CEP104: variants seen among roughly 807,000 people sequenced by gnomAD.
CEP104 encodes the protein centrosomal protein of 104 kDa.
In CEP104, 84 loss-of-function variants were observed where a neutral mutation model predicts 113.3. The observed-to-expected ratio is 0.74, with a 90% CI of 0.62 to 0.89. The LOEUF (loss-of-function observed/expected upper bound fraction) is 0.89, where lower values mean the gene tolerates loss of function less well. CEP104 is among the 40% of genes least tolerant of loss of function. The pLI, the probability that CEP104 is intolerant of heterozygous loss-of-function variation, is 0.00. For missense variants in CEP104, 1,053 were observed against 1,156.6 expected, an observed-to-expected ratio of 0.91 and a Z score of 1.30; for synonymous variants, 378 against 421.7, an observed-to-expected ratio of 0.90 and a Z score of 1.27.
chr1:3,820,705 C>A (rs1643955964), intron 20 of CEP104, among the ~76,000 whole-genome samples: 1 of 152,206 alleles, frequency 6.6e-6, no homozygotes, highest in Admixed American at 6.5e-5. Flanking sequence ...CCAAGTCCCT[C>A]CAACACAGGG....
chr1:3,823,087 C>A lies in CEP104; in HGVS notation c.2571+87G>T. On this transcript the variant is annotated intron_variant, in intron 20 of 21. Transcript: ENST00000378230. This position sits in a 1 kb window ranked among gnomAD's most constrained non-coding sequence, Gnocchi z 4.1. ...ATGTACTGTACTCTGTGGCTATGGT[C>A]CCGCACTGACACCACCACTGTCACC... is the stretch of plus-strand genomic sequence containing the variant. 1 of 1,235,952 alleles carries A rather than the reference C, an allele frequency of 8.1e-7. No homozygotes were observed. The highest frequency in any genetic ancestry group is 1.2e-6 in the Non-Finnish European group (1 of 842,298). 76.6% of individuals were successfully genotyped at this position (1,235,952 alleles called of 1,614,324 possible). A position where few individuals can be genotyped will look rare whatever the true frequency, so the allele number is the denominator to read the frequency against.
At chr1:3,830,969 G>A (rs900498353) in intron 13 of CEP104, 77 bp downstream of exon 13, 13 of 1,390,312 alleles carry the variant, frequency 9.4e-6, no homozygotes, top group Admixed American at 2.2e-5. Flanking sequence ...AACAAATGCC[G>A]ATGAGACCCT....
chr1:3,815,329 G>A lies in CEP104; in HGVS notation c.*73C>T. The A allele has an allele frequency of 8.5e-7, 1 of 1,177,356 alleles. No homozygotes were observed. Among genetic ancestry groups the A allele is most frequent in the Middle Eastern group, 1.9e-4 (1 of 5,298 alleles). The allele number at this position is 1,177,356 out of a possible 1,614,324, so 72.9% of individuals were successfully genotyped here. On this transcript the variant is annotated 3_prime_UTR_variant, in exon 22 of 22. Transcript: ENST00000378230. ...AGCATGGGGCCACCAAGGCCAGAGA[G>A]TTCTGGAGAGATGGTGTAGAATCAG...
chr1:3,825,613 G>C, intron 18 of CEP104, 145 bp downstream of exon 18: 1 of 619,188 alleles, frequency 1.6e-6, no homozygotes. Flanking sequence ...GCACGCATTT[G>C]CGGGTGTGTG....
Position 3,813,154 on chromosome 1 carries a change from G to A in CEP104, c.*2248C>T, listed in dbSNP as rs1442801112. On this transcript the variant is annotated 3_prime_UTR_variant, in exon 22 of 22. Transcript: ENST00000378230. ...TTTAAAAATGGATTAGAAAATAATG[G>A]CCAACATCTCTTTAAAACCAGAAAA... is the stretch of plus-strand genomic sequence containing the variant. The A allele has an allele frequency of 6.6e-6, 1 of 151,790 alleles. No individual in the cohort carries two copies. The highest frequency in any genetic ancestry group is 2.4e-5 in the African/African-American group (1 of 41,298). The allele number at this position is 151,790 out of a possible 1,614,324, so 9.4% of individuals were successfully genotyped here.
At position 3,840,043 on chromosome 1, in the gene CEP104, G is replaced by A. The variant is rs75668834; in HGVS notation, c.567-267C>T. 5.2e-3 allele frequency among the ~76,000 whole-genome samples: 784 copies of A among 152,230 alleles called. 7 individuals are homozygous for A. The highest frequency in any genetic ancestry group is 0.018 in the African/African-American group (753 of 41,534). On this transcript the variant is annotated intron_variant, in intron 6 of 21. Coordinates refer to ENST00000378230, the MANE Select transcript of CEP104 (RefSeq NM_014704.4). ...GGGCATCTGAGCCTCCAGTGCATTC[G>A]CTCAGAGTGCAGACTCTGGGCCTCG...
At chr1:3,846,932 C>T (rs552628130) in intron 4 of CEP104, among the ~76,000 whole-genome samples, 1 of 152,208 alleles carries the variant, frequency 6.6e-6, no homozygotes, top group African/African-American at 2.4e-5. Flanking sequence ...GAATTAGCAG[C>T]CTGAAGCTGG....
At chr1:3,825,157 T>G (rs1570780019) in intron 18 of CEP104, among the ~76,000 whole-genome samples, 2 of 146,622 alleles carry the variant, frequency 1.4e-5, no homozygotes, top group South Asian at 2.2e-4. Context: ...GCAGTGGCAC[T>G]GTGGGAAGGG....
rs895519576 is a variant in CEP104 at position 3,834,783 on chromosome 1, T to C, written c.1485+142A>G. 7.0e-6 allele frequency: 5 copies of C among 713,516 alleles called. No individual in the cohort carries two copies. The African/African-American group carries it at 7.2e-5, about 10-fold the overall frequency. 44.2% of individuals were successfully genotyped at this position (713,516 alleles called of 1,614,324 possible). On this transcript the variant is annotated intron_variant, in intron 11 of 21. Coordinates refer to ENST00000378230, the MANE Select transcript of CEP104 (RefSeq NM_014704.4). ...GTATAGCTCTTGCTAGAGAACCTCATTTCTTAGTGATTCTATTGAGTTACA... is the reference window on the plus strand; with the variant it reads ...GTATAGCTCTTGCTAGAGAACCTCACTTCTTAGTGATTCTATTGAGTTACA...
chr1:3,821,259 T>C (rs1260842195), intron 20 of CEP104, among the ~76,000 whole-genome samples: 1 of 152,214 alleles, frequency 6.6e-6, no homozygotes, highest in Admixed American at 6.5e-5. Flanking sequence ...GAGTCTGCCA[T>C]AGGCTAGAGC....
At chr1:3,825,926 C>T (rs1243691026) in intron 17 of CEP104, 60 bp from the exon 18 acceptor site, 41 of 1,114,678 alleles carry the variant, frequency 3.7e-5, no homozygotes, top group Non-Finnish European at 4.7e-5. Context: ...ATGGCCGTTC[C>T]GCTCCCACGT....
chr1:3,817,693 T>G (rs1347281189), intron 20 of CEP104, among the ~76,000 whole-genome samples: 1 of 152,164 alleles, frequency 6.6e-6, no homozygotes, highest in Admixed American at 6.5e-5. Context: ...GGACATGACC[T>G]GCTCTAAGGC....
chr1:3,843,455 G>A (rs988137545), intron 6 of CEP104: 10 of 453,454 alleles, frequency 2.2e-5, no homozygotes, highest in Admixed American at 3.9e-5. Flanking sequence ...CGGCTCAAGC[G>A]ATCTTCCTGC....
chr1:3,837,614 G>T, intron 8 of CEP104, 95 bp from the exon 9 acceptor site: 3 of 1,097,626 alleles, frequency 2.7e-6, no homozygotes, highest in South Asian at 1.5e-5. Flanking sequence ...TTAGAAAGCT[G>T]TGCTGGAAGA....
chr1:3,855,439 G>C (rs1297253159), intron 1 of CEP104, among the ~76,000 whole-genome samples: 7 of 151,548 alleles, frequency 4.6e-5, no homozygotes, highest in Non-Finnish European at 1.0e-4. Context: ...AAAGTGTTGG[G>C]ATTACAGGCG....
chr1:3,852,901 C>CCAAGGA (rs1553165985), intron 1 of CEP104, among the ~76,000 whole-genome samples: 3 of 151,958 alleles, frequency 2.0e-5, no homozygotes, highest in Non-Finnish European at 2.9e-5. Context: ...CTAAGCGGGC[C>CCAAGGA]GGCCAAGGAC....
intron 2 of CEP104, 108 bp from the exon 3 acceptor site, chr1:3,848,889 G>C: frequency 1.3e-6 from 1 of 782,208 alleles, no homozygotes; most frequent in Non-Finnish European, 2.0e-6. Flanking sequence ...CACCCACTTT[G>C]AACAGAACAG....
Position 3,848,640 on chromosome 1 carries a change from T to G in CEP104, c.255A>C (p.Ala85=), listed in dbSNP as rs766479860. 1 of 1,613,588 alleles carries G rather than the reference T, an allele frequency of 6.2e-7. No individual in the cohort carries two copies. The highest frequency in any genetic ancestry group is 1.7e-5 in the Admixed American group (1 of 59,868). Residue 85 remains alanine, a synonymous_variant, in exon 3 of 22, where the codon GCA becomes GCC. Coordinates refer to ENST00000378230, the MANE Select transcript of CEP104 (RefSeq NM_014704.4). ...YISESLPEYF[A]PYQAERFRRL... is the part of the protein sequence containing the mutation. ...TTCGAAACCGCTCTGCTTGATAGGGTGCAAAATATTCAGGCAAGCTTTCAC... is the reference window on the plus strand; with the variant it reads ...TTCGAAACCGCTCTGCTTGATAGGGGGCAAAATATTCAGGCAAGCTTTCAC...
intron 2 of CEP104, among the ~76,000 whole-genome samples, chr1:3,849,073 T>C (rs1644563016): frequency 6.6e-6 from 1 of 152,128 alleles, no homozygotes; most frequent in African/African-American, 2.4e-5. Context: ...CAGTTTTTCA[T>C]AAGATAAATC....
Sources: gnomAD v4.1 joint callset for allele counts (sites outside exome capture counted in the v4.1 genomes callset) on GRCh38, gnomAD v4.1.1 for gene constraint, Gnocchi (gnomAD v3.1) non-coding constraint, MANE v1.5 for transcripts, NCBI Gene and HGNC (gene_info 2026-07-23, HGNC 2026-07-21) for gene names.